Variants in PRSS23 observed in about 807,000 individuals in gnomAD.
PRSS23 encodes the protein serine protease 23, also known as protease, serine 23.
A neutral mutation model predicts 34.7 loss-of-function variants in PRSS23; 25 were observed. The ratio of observed to expected loss-of-function variants is 0.72; its 90% confidence interval spans 0.53 to 1.01. The LOEUF is 1.01. PRSS23 is among the 50% of genes least tolerant of loss of function. The pLI is 0.00. For synonymous variants in PRSS23, 176 were observed against 186.6 expected, an observed-to-expected ratio of 0.94 and a Z score of 0.46; for missense variants, 445 against 475.6, an observed-to-expected ratio of 0.94 and a Z score of 0.60.
intron 2 of PRSS23, among the ~76,000 whole-genome samples, chr11:86,872,929 T>C (rs1426845356): frequency 1.3e-5 from 2 of 152,118 alleles, no homozygotes; most frequent in Non-Finnish European, 2.9e-5. Flanking sequence ...AGAAATAATA[T>C]ATCTAAAGAC....
chr11:86,808,912 G>GTGT lies in PRSS23; in HGVS notation c.*117_*118insTGT, dbSNP rs1948144229. The GTGT allele has an allele frequency of 9.5e-6, 8 of 843,632 alleles. No individual in the cohort carries two copies. Among genetic ancestry groups the GTGT allele is most frequent in the South Asian group, 5.5e-5 (3 of 54,604 alleles). 52.3% of individuals were successfully genotyped at this position (843,632 alleles called of 1,614,324 possible). A position where few individuals can be genotyped will look rare whatever the true frequency, so the allele number is the denominator to read the frequency against. On this transcript the variant is annotated 3_prime_UTR_variant, in exon 2 of 2. Transcript: ENST00000280258. ...TGTGTGTGTGTGTGTGTGTGTGTAA[G>GTGT]GTGTCTTATAATCTTTTACCTATTT...
intron 2 of PRSS23, among the ~76,000 whole-genome samples, chr11:86,891,628 T>G (rs1463913673): frequency 4.6e-5 from 7 of 152,234 alleles, no homozygotes; most frequent in African/African-American, 1.7e-4. Flanking sequence ...TTTCTTAAAC[T>G]AAATAACCAA....
intron 2 of PRSS23, chr11:86,935,995 A>T (rs1335899502): frequency 6.6e-6 from 1 of 152,236 alleles, no homozygotes; most frequent in East Asian, 1.9e-4. Context: ...ATGACTGCCC[A>T]TGTTGCAAAC....
At chr11:86,823,414 A>T in exon 2 of PRSS23, 2 of 702,354 alleles carry the variant, frequency 2.8e-6, no homozygotes, top group Middle Eastern at 2.3e-4. Context: ...CTGTGTGCCA[A>T]CCCTGGCCTA....
chr11:86,820,586 G>A (rs1474865292), intron 1 of PRSS23, among the ~76,000 whole-genome samples: 40 of 152,038 alleles, frequency 2.6e-4, no homozygotes, highest in Admixed American at 2.4e-3. Context: ...TATTACTAAC[G>A]CTTTATTTGC....
chr11:86,888,124 AAACAAAACAAAAC>A (rs1948817132), intron 2 of PRSS23, among the ~76,000 whole-genome samples: 1 of 67,288 alleles, frequency 1.5e-5, no homozygotes. Context: ...TTTTAAAAAA[AAACAAAACAAAAC>A]AAAACCTAAG....
intron 1 of PRSS23, among the ~76,000 whole-genome samples, chr11:86,817,772 T>A (rs1948224481): frequency 6.6e-6 from 1 of 152,246 alleles, no homozygotes; most frequent in Non-Finnish European, 1.5e-5. Context: ...TGCCAGACAC[T>A]TTTATGAATG....
intron 2 of PRSS23, among the ~76,000 whole-genome samples, chr11:86,848,989 T>C (rs1948509161): frequency 6.6e-6 from 1 of 152,128 alleles, no homozygotes; most frequent in Admixed American, 6.5e-5. Flanking sequence ...AGGCAATCAC[T>C]GGAAGTAGCA....
intron 2 of PRSS23, among the ~76,000 whole-genome samples, chr11:86,914,418 A>G (rs1948999481): frequency 6.6e-6 from 1 of 152,230 alleles, no homozygotes; most frequent in African/African-American, 2.4e-5. Context: ...AGGGTTAAAA[A>G]GTGAATGGAA....
At chr11:86,888,559 C>T (rs1948820805) in intron 2 of PRSS23, among the ~76,000 whole-genome samples, 1 of 152,184 alleles carries the variant, frequency 6.6e-6, no homozygotes, top group South Asian at 2.1e-4. Context: ...GGAAGGCAGC[C>T]TGTGTTCGGT....
chr11:86,803,709 T>A (rs1157188097), intron 1 of PRSS23, among the ~76,000 whole-genome samples: 1 of 152,076 alleles, frequency 6.6e-6, no homozygotes, highest in Non-Finnish European at 1.5e-5. Flanking sequence ...CAGCCATCCC[T>A]CCACTCAGTT....
chr11:86,951,384 C>T, exon 3 of PRSS23: 1 of 1,614,052 alleles, frequency 6.2e-7, no homozygotes, highest in Non-Finnish European at 8.5e-7. Context: ...TTGGAGATTT[C>T]ATAAAAATAA....
intron 2 of PRSS23, chr11:86,833,103 C>G: frequency 1.6e-6 from 1 of 627,298 alleles, no homozygotes. Context: ...GTCATAGGCC[C>G]TCACACTCAG....
chr11:86,875,185 A>C (rs1037949345), intron 2 of PRSS23, among the ~76,000 whole-genome samples: 2 of 152,204 alleles, frequency 1.3e-5, no homozygotes, highest in Non-Finnish European at 2.9e-5. Context: ...CCTTATGATG[A>C]GAAAGAATTT....
chr11:86,792,383 C>A (rs1295057878), intron 1 of PRSS23, among the ~76,000 whole-genome samples: 1 of 152,210 alleles, frequency 6.6e-6, no homozygotes, highest in African/African-American at 2.4e-5. Context: ...CTGCCTCCTG[C>A]CCAGATGAGT....
intron 2 of PRSS23, among the ~76,000 whole-genome samples, chr11:86,918,729 T>G (rs1949029413): frequency 6.6e-6 from 1 of 152,266 alleles, no homozygotes. Flanking sequence ...ACAGCCTGAA[T>G]GTATACAGCA....
At chr11:86,903,253 T>C (rs1565381651) in intron 2 of PRSS23, among the ~76,000 whole-genome samples, 1 of 152,128 alleles carries the variant, frequency 6.6e-6, no homozygotes, top group Non-Finnish European at 1.5e-5. Context: ...AGTTAAAAGG[T>C]ATAAAAAATA....
chr11:86,796,507 A>G (rs369693241), upstream of PRSS23, among the ~76,000 whole-genome samples: 6,043 of 151,230 alleles, frequency 0.04, 187 homozygotes, highest in Non-Finnish European at 0.061. Flanking sequence ...CGGGCGTGGT[A>G]GCGGGCGCCT....
rs200746271 is a variant in PRSS23, at chr11:86,879,385, G to T, written c.206+55792G>T. Among the ~76,000 whole-genome samples, 7 of 146,866 alleles carry T rather than the reference G, an allele frequency of 4.8e-5. No homozygotes were observed. In the South Asian group the frequency reaches 1.5e-3, roughly 32 times the overall value. On this transcript the variant is annotated intron_variant, in intron 2 of 2. Transcript: ENST00000533902. ...TGAGAAGTGAGGAGCCCCTCCGCCC[G>T]GCAGCCACCCCGTCTGGGAAGTGAG... is the stretch of plus-strand genomic sequence containing the variant.
Sources: gnomAD v4.1 joint callset for allele counts (sites outside exome capture counted in the v4.1 genomes callset) on GRCh38, gnomAD v4.1.1 for gene constraint, MANE v1.5 for transcripts, NCBI Gene and HGNC (gene_info 2026-07-23, HGNC 2026-07-21) for gene names.